The following CSRNP3 variants were observed in gnomAD, a reference collection of about 807,000 sequenced individuals.
The protein encoded by CSRNP3 is cysteine and serine rich nuclear protein 3.
A neutral mutation model predicts 48.0 loss-of-function variants in CSRNP3; 12 were observed. The ratio of observed to expected loss-of-function variants is 0.25; its 90% CI spans 0.16 to 0.41. CSRNP3 has a LOEUF of 0.41. Ranked by LOEUF, CSRNP3 falls within the 10% of genes least tolerant of loss-of-function variation. The pLI, the probability that CSRNP3 is intolerant of heterozygous loss-of-function variation, is 1.00. For missense variants in CSRNP3, 580 were observed against 724.4 expected, an observed-to-expected ratio of 0.80 and a Z score of 2.29; for synonymous variants, 263 against 269.7, an observed-to-expected ratio of 0.98 and a Z score of 0.24.
In CSRNP3 at chr2:165,680,929, CACTTAGTG is replaced by C. The variant is rs1687524568; in HGVS notation, c.*1180_*1187del. 6.6e-6 allele frequency: 1 copy of C among 152,052 alleles called. No homozygotes were observed. Among genetic ancestry groups the C allele is most frequent in the African/African-American group, 2.4e-5 (1 of 41,402 alleles). 9.4% of individuals were successfully genotyped at this position (152,052 alleles called of 1,614,324 possible). ...CAAAATCAGTGTATAATGAGATTTC[CACTTAGTG>C]ACTAGCTGATTGAAGGGGGGCCTCT... On this transcript the variant is annotated 3_prime_UTR_variant, in exon 7 of 7. Transcript: ENST00000651982.
intron 4 of CSRNP3, among the ~76,000 whole-genome samples, chr2:165,625,239 G>A (rs1191918953): frequency 6.6e-6 from 1 of 152,124 alleles, no homozygotes; most frequent in Non-Finnish European, 1.5e-5. Context: ...ATATGGCAGG[G>A]AGTGAGACAG....
In CSRNP3 at chr2:165,688,154, C is replaced by T. The variant is rs1687661334; in HGVS notation, c.*8401C>T. 1.3e-5 allele frequency: 2 copies of T among 151,722 alleles called. No homozygotes were observed. Among genetic ancestry groups the T allele is most frequent in the Non-Finnish European group, 2.9e-5 (2 of 67,978 alleles). The allele number at this position is 151,722 out of a possible 1,614,324, so 9.4% of individuals were successfully genotyped here. A position where few individuals can be genotyped will look rare whatever the true frequency, so the allele number is the denominator to read the frequency against. ...CACCTCTATTGAAATAAGTCTGAGG[C>T]ATAGTTTGTGAAACATGTTTCAAAA... On this transcript the variant is annotated 3_prime_UTR_variant, in exon 7 of 7. Coordinates refer to ENST00000651982, the MANE Select transcript of CSRNP3 (RefSeq NM_001172173.2).
intron 4 of CSRNP3, among the ~76,000 whole-genome samples, chr2:165,609,419 A>G (rs1174061815): frequency 1.4e-5 from 2 of 145,168 alleles, no homozygotes; most frequent in East Asian, 4.2e-4. Flanking sequence ...AGATGGCGCC[A>G]CTGCACTCCA....
intron 4 of CSRNP3, among the ~76,000 whole-genome samples, chr2:165,604,646 A>G (rs529335201): frequency 2.8e-4 from 42 of 152,196 alleles, no homozygotes; most frequent in Admixed American, 1.5e-3. Flanking sequence ...ATATAGCTTT[A>G]CCAGGCAGAA....
chr2:165,629,879 C>A (rs886757914), intron 4 of CSRNP3, among the ~76,000 whole-genome samples: 2 of 152,086 alleles, frequency 1.3e-5, no homozygotes, highest in Non-Finnish European at 2.9e-5. Flanking sequence ...ATTGATTCCC[C>A]TTTTATTTCT....
In CSRNP3 at chr2:165,657,902, G is replaced by A. The variant is rs774078840; in HGVS notation, c.290G>A (p.Arg97His). 3.2e-5 allele frequency: 51 copies of A among 1,613,952 alleles called. No homozygotes were observed. The South Asian group carries it at 3.2e-4, about 10-fold the overall frequency. The stretch of plus-strand genomic sequence containing the variant: ...GGAAGCACCCTGGGGATGTCCAGCC[G>A]CCATAACAGCGTGCGCCAGTACACT... Reference protein sequence around the residue: ...QGGSTLGMSSRHNSVRQYTLG... With the variant: ...QGGSTLGMSSHHNSVRQYTLG... Residue 97 changes from arginine to histidine, a missense_variant, in exon 5 of 7, where the codon CGC becomes CAC. By Grantham distance (29) the Arg-to-His change is conservative (BLOSUM62 0). Around this residue, in one of 4 missense-constraint regions of CSRNP3, gnomAD observed 83 missense variants for 139.6 expected, o/e 0.59. Transcript: ENST00000651982.
At chr2:165,514,423 A>G (rs1209025318) in intron 2 of CSRNP3, among the ~76,000 whole-genome samples, 1 of 152,252 alleles carries the variant, frequency 6.6e-6, no homozygotes, top group Non-Finnish European at 1.5e-5. Flanking sequence ...AATCTTCCTG[A>G]GGTACATTAC....
chr2:165,599,283 GAGAAAGAAAGAAAGAA>G (rs752383197), intron 4 of CSRNP3, among the ~76,000 whole-genome samples: 19 of 104,746 alleles, frequency 1.8e-4, no homozygotes, highest in African/African-American at 4.3e-4. Flanking sequence ...AAGAGAGAGA[GAGAAAGAAAGAAAGAA>G]AGAAAGAAAG....
chr2:165,475,656 C>T (rs1514758), intron 1 of CSRNP3, among the ~76,000 whole-genome samples: 36,773 of 152,096 alleles, frequency 0.24, 4,627 homozygotes, highest in East Asian at 0.38. Flanking sequence ...AGCAAATTGT[C>T]TTGTCAGATA....
At chr2:165,658,090 A>G in intron 5 of CSRNP3, 70 bp downstream of exon 5, 2 of 1,497,366 alleles carry the variant, frequency 1.3e-6, no homozygotes, top group Non-Finnish European at 1.8e-6. Flanking sequence ...AACCATTTTC[A>G]TATTTATAAT....
intron 4 of CSRNP3, among the ~76,000 whole-genome samples, chr2:165,646,649 G>A (rs1686816478): frequency 6.6e-6 from 1 of 152,106 alleles, no homozygotes; most frequent in Non-Finnish European, 1.5e-5. Flanking sequence ...TTCTCCGATG[G>A]TGGTAATGAA....
chr2:165,480,753 T>C (rs1161328614), intron 1 of CSRNP3, among the ~76,000 whole-genome samples: 1 of 144,800 alleles, frequency 6.9e-6, no homozygotes, highest in African/African-American at 2.5e-5. Context: ...CAAGTATATA[T>C]ATTTTATATT....
chr2:165,550,889 A>G (rs781276563), intron 3 of CSRNP3, among the ~76,000 whole-genome samples: 1 of 152,134 alleles, frequency 6.6e-6, no homozygotes, highest in African/African-American at 2.4e-5. Flanking sequence ...TGATGGATAT[A>G]AGCTTTTTCT....
chr2:165,548,051 T>C (rs141945757), intron 3 of CSRNP3, among the ~76,000 whole-genome samples: 19 of 152,178 alleles, frequency 1.2e-4, no homozygotes, highest in African/African-American at 4.6e-4. Context: ...ACTAAAAAAG[T>C]GTGATGTGAA....
In CSRNP3 at chr2:165,681,065, A is replaced by G. The variant is rs1687528961; in HGVS notation, c.*1312A>G. On this transcript the variant is annotated 3_prime_UTR_variant, in exon 7 of 7. Coordinates refer to ENST00000651982, the MANE Select transcript of CSRNP3 (RefSeq NM_001172173.2). Reference sequence around the variant, plus strand: ...AGAATGCATTGCATACTTTCTAATTACCTCACATTCTCTTATTAAAGAGAA... The same window carrying G: ...AGAATGCATTGCATACTTTCTAATTGCCTCACATTCTCTTATTAAAGAGAA... 1 of 152,124 alleles carries G rather than the reference A, an allele frequency of 6.6e-6. No individual in the cohort carries two copies. The highest frequency in any genetic ancestry group is 1.5e-5 in the Non-Finnish European group (1 of 68,022). The allele number at this position is 152,124 out of a possible 1,614,324, so 9.4% of individuals were successfully genotyped here.
chr2:165,600,290 T>A (rs1351958544), intron 4 of CSRNP3, among the ~76,000 whole-genome samples: 12 of 148,838 alleles, frequency 8.1e-5, no homozygotes, highest in Non-Finnish European at 1.3e-4. Flanking sequence ...TTCATAGTAT[T>A]CCATGGTGTA....
chr2:165,619,929 C>A (rs1375884646), intron 4 of CSRNP3, among the ~76,000 whole-genome samples: 1 of 152,072 alleles, frequency 6.6e-6, no homozygotes, highest in Non-Finnish European at 1.5e-5. Context: ...AAGAGCAAGA[C>A]TTGGAAACAA....
At chr2:165,546,131 C>A (rs574539969) in intron 3 of CSRNP3, among the ~76,000 whole-genome samples, 1 of 152,190 alleles carries the variant, frequency 6.6e-6, no homozygotes, top group South Asian at 2.1e-4. Context: ...CTGTCTAACT[C>A]CATGCTCAAT....
At chr2:165,604,854 G>A (rs1034476716) in intron 4 of CSRNP3, among the ~76,000 whole-genome samples, 1 of 152,144 alleles carries the variant, frequency 6.6e-6, no homozygotes, top group Non-Finnish European at 1.5e-5. Context: ...TCAGGATCAG[G>A]ACCTCACATT....
Sources: gnomAD v4.1 joint callset for allele counts (sites outside exome capture counted in the v4.1 genomes callset) on GRCh38, gnomAD v4.1.1 for gene constraint, gnomAD v4.1.1 regional missense constraint, MANE v1.5 for transcripts, NCBI Gene and HGNC (gene_info 2026-07-23, HGNC 2026-07-21) for gene names.